SOX5: variants seen among roughly 807,000 people sequenced by gnomAD.
SOX5 encodes SRY-box transcription factor 5.
A neutral mutation model predicts 92.0 loss-of-function variants in SOX5; 9 were observed. The ratio of observed to expected loss-of-function variants is 0.10; its 90% CI spans 0.06 to 0.17. SOX5 has a LOEUF of 0.17. Among genes scored for constraint, SOX5 ranks in the 10% least tolerant of loss-of-function variants. The pLI, the probability that SOX5 is intolerant of heterozygous loss-of-function variation, is 1.00. For missense variants in SOX5, 642 were observed against 944.5 expected (o/e 0.68, Z 4.20); for synonymous variants, 344 against 336.3 (o/e 1.02, Z -0.25).
intron 1 of SOX5, among the ~76,000 whole-genome samples, chr12:23,912,492 C>T (rs1267884975): frequency 6.6e-6 from 1 of 152,148 alleles, no homozygotes; most frequent in African/African-American, 2.4e-5. Flanking sequence ...TTGGTAAATA[C>T]CCAAGACAAT....
intron 4 of SOX5, among the ~76,000 whole-genome samples, chr12:24,194,675 G>A (rs1292744057): frequency 6.6e-6 from 1 of 151,980 alleles, no homozygotes. Context: ...ACTGTTAAAG[G>A]TTTCCCACCT....
At chr12:23,555,245 C>T (rs1224279818) in intron 11 of SOX5, among the ~76,000 whole-genome samples, 1 of 152,018 alleles carries the variant, frequency 6.6e-6, no homozygotes, top group Non-Finnish European at 1.5e-5. Context: ...CTTATCTTTT[C>T]AGAAGTACTA....
At chr12:23,964,869 T>C (rs34468546) in intron 4 of SOX5, among the ~76,000 whole-genome samples, 50,827 of 152,208 alleles carry the variant, frequency 0.33, 9,030 homozygotes, top group Middle Eastern at 0.41. Flanking sequence ...GAAATGAGCC[T>C]TCGACAGATG....
At chr12:23,916,272 C>T (rs1179240715) in intron 1 of SOX5, among the ~76,000 whole-genome samples, 1 of 152,022 alleles carries the variant, frequency 6.6e-6, no homozygotes, top group Non-Finnish European at 1.5e-5. Context: ...TGTTTGAAAA[C>T]AAAGGAGTGT....
chr12:24,381,260 T>A (rs1957798123), intron 1 of SOX5, among the ~76,000 whole-genome samples: 1 of 152,244 alleles, frequency 6.6e-6, no homozygotes, highest in African/African-American at 2.4e-5. Flanking sequence ...ACAAGTATAA[T>A]TAAATATGTA....
At chr12:24,516,966 T>TA (rs1447317269) in intron 1 of SOX5, among the ~76,000 whole-genome samples, 1 of 152,180 alleles carries the variant, frequency 6.6e-6, no homozygotes, top group Admixed American at 6.5e-5. Flanking sequence ...AGAATTAGTC[T>TA]AAAAATCTTA....
chr12:24,225,092 T>C (rs963407327), intron 3 of SOX5, among the ~76,000 whole-genome samples: 1 of 152,246 alleles, frequency 6.6e-6, no homozygotes, highest in Non-Finnish European at 1.5e-5. Flanking sequence ...TCCATACATT[T>C]TGGTTATATC....
At chr12:23,820,894 T>C (rs1377246983) in intron 3 of SOX5, among the ~76,000 whole-genome samples, 1 of 152,192 alleles carries the variant, frequency 6.6e-6, no homozygotes. Context: ...TAGGATTGTC[T>C]TGGCTATATG....
At chr12:24,324,451 C>T (rs184179120) in intron 2 of SOX5, among the ~76,000 whole-genome samples, 1 of 151,632 alleles carries the variant, frequency 6.6e-6, no homozygotes, top group Admixed American at 6.6e-5. Flanking sequence ...GACTATTTTA[C>T]GTGGGCAACT....
At chr12:24,164,281 A>G (rs1301734584) in intron 4 of SOX5, among the ~76,000 whole-genome samples, 1 of 152,096 alleles carries the variant, frequency 6.6e-6, no homozygotes, top group African/African-American at 2.4e-5. Flanking sequence ...CACATTTCAG[A>G]GTATATAAAG....
intron 2 of SOX5, among the ~76,000 whole-genome samples, chr12:23,867,782 G>A (rs1198630952): frequency 6.7e-6 from 1 of 150,112 alleles, no homozygotes; most frequent in African/African-American, 2.4e-5. Context: ...AAAGCGATCT[G>A]TAAATTAAGC....
At chr12:24,068,733 TATATATATATATATACAC>T (rs1280133613) in intron 4 of SOX5, among the ~76,000 whole-genome samples, 16 of 92,076 alleles carry the variant, frequency 1.7e-4, no homozygotes, top group African/African-American at 6.7e-4. Context: ...TATATATATA[TATATATATATATATACAC>T]ACACACACAT....
chr12:24,104,599 A>G (rs538336944), intron 4 of SOX5, among the ~76,000 whole-genome samples: 3 of 152,212 alleles, frequency 2.0e-5, no homozygotes, highest in African/African-American at 4.8e-5. Context: ...ACTACAAACA[A>G]TGATTAACTC....
intron 1 of SOX5, among the ~76,000 whole-genome samples, chr12:24,410,017 A>C (rs901960950): frequency 2.0e-5 from 3 of 147,564 alleles, no homozygotes; most frequent in African/African-American, 7.5e-5. Flanking sequence ...TTTTTTTTTT[A>C]AACAGGGTCT....
chr12:24,303,155 G>C (rs1422585374), intron 2 of SOX5, among the ~76,000 whole-genome samples: 1 of 151,888 alleles, frequency 6.6e-6, no homozygotes, highest in South Asian at 2.1e-4. Context: ...AAGGAAGGAA[G>C]GTTGTATAAG....
At chr12:24,557,823 T>C (rs1953957673) in intron 1 of SOX5, among the ~76,000 whole-genome samples, 1 of 152,204 alleles carries the variant, frequency 6.6e-6, no homozygotes, top group South Asian at 2.1e-4. Context: ...GACTTATACT[T>C]GTAGAATTCA....
At chr12:24,175,888 G>A (rs1395586766) in intron 4 of SOX5, among the ~76,000 whole-genome samples, 1 of 151,896 alleles carries the variant, frequency 6.6e-6, no homozygotes, top group Non-Finnish European at 1.5e-5. Flanking sequence ...TGTATCTAGG[G>A]GCCTCTCTTA....
At chr12:24,504,140 A>C (rs941950893) in intron 1 of SOX5, among the ~76,000 whole-genome samples, 4 of 152,162 alleles carry the variant, frequency 2.6e-5, no homozygotes, top group Non-Finnish European at 5.9e-5. Flanking sequence ...ATAATTACTC[A>C]AATTAATTGG....
At chr12:24,144,835 A>AC (rs1193594049) in intron 4 of SOX5, among the ~76,000 whole-genome samples, 4 of 152,092 alleles carry the variant, frequency 2.6e-5, no homozygotes, top group Non-Finnish European at 5.9e-5. Context: ...TCTCAAAAAA[A>AC]AGAAAAAAAT....
Sources: allele counts gnomAD v4.1 joint callset (sites outside exome capture counted in the v4.1 genomes callset), GRCh38; gene constraint gnomAD v4.1.1; transcripts MANE v1.5; gene names NCBI Gene and HGNC (gene_info 2026-07-23, HGNC 2026-07-21).